Variants in GCFC2 observed in about 807,000 individuals in gnomAD.
The protein encoded by GCFC2 is intron Large complex component GCFC2.
GCFC2 carries 102 observed loss-of-function variants against 99.4 expected under a neutral mutation model. That is an observed-to-expected ratio of 1.03 (90% confidence interval 0.87 to 1.21). The LOEUF (loss-of-function observed/expected upper bound fraction) is 1.21. GCFC2 is among the 50% of genes most tolerant of loss of function. The probability of loss-of-function intolerance (pLI) is 0.00; values close to 1 mark genes in which losing one functional copy is unlikely to be tolerated. For missense variants in GCFC2, 973 were observed against 920.9 expected (o/e 1.06, Z -0.73); for synonymous variants, 338 against 316.8 (o/e 1.07, Z -0.71).
chr2:75,695,107 CT>C (rs1412923532), intron 5 of GCFC2, among the ~76,000 whole-genome samples: 1 of 152,136 alleles, frequency 6.6e-6, no homozygotes, highest in African/African-American at 2.4e-5. Context: ...TCTGCTGCCT[CT>C]TTTTTATCCC....
intron 2 of GCFC2, among the ~76,000 whole-genome samples, chr2:75,704,440 T>A (rs1680743646): frequency 6.6e-6 from 1 of 152,210 alleles, no homozygotes; most frequent in Non-Finnish European, 1.5e-5. Context: ...AAGTTTTCAA[T>A]TTTTAATCAG....
rs1221809345 is a variant in GCFC2 at position 75,710,653 on chromosome 2, C to A, written c.203G>T (p.Gly68Val). 1 of 1,518,138 alleles carries A rather than the reference C, an allele frequency of 6.6e-7. No individual in the cohort carries two copies. Among genetic ancestry groups the A allele is most frequent in the African/African-American group, 1.4e-5 (1 of 69,850 alleles). 94.0% of individuals were successfully genotyped at this position (1,518,138 alleles called of 1,614,324 possible). A position where few individuals can be genotyped will look rare whatever the true frequency, so the allele number is the denominator to read the frequency against. Reference protein sequence around the residue: ...PHRVRGPRGRGRVWASSRRAT... With the variant: ...PHRVRGPRGRVRVWASSRRAT... ...ACGCCGGGAGCTCGCCCAGACCCGG[C>A]CCCGGCCACGAGGGCCCCGAACCCG... The change falls in exon 1 of 17, where the codon GGC becomes GTC. Residue 68 changes from glycine (G) to valine (V), a missense_variant. Physicochemically the swap from Gly to Val is moderately radical, Grantham distance 109 (BLOSUM62 -3). Coordinates refer to ENST00000321027, the MANE Select transcript of GCFC2 (RefSeq NM_003203.5).
At position 75,693,987 on chromosome 2, in the gene GCFC2, A is replaced by C. The variant is rs542579427; in HGVS notation, c.1020+254T>G. Among the ~76,000 whole-genome samples the C allele has an allele frequency of 2.0e-5, 3 of 152,230 alleles. No individual in the cohort carries two copies. In the South Asian group the frequency reaches 6.2e-4, roughly 32 times the overall value. ...ATTCATTTTATTTGACTTCATTTTC[A>C]AGGAATTTTCCTTAAACAGAAGAAA... On this transcript the variant is annotated intron_variant, in intron 6 of 16. Coordinates refer to ENST00000321027, the MANE Select transcript of GCFC2 (RefSeq NM_003203.5).
At position 75,702,345 on chromosome 2, in the gene GCFC2, G is replaced by T; in HGVS notation, c.473C>A (p.Ser158Tyr). The change falls in exon 3 of 17, where the codon TCT becomes TAT. Residue 158 changes from serine to tyrosine, a missense_variant. Physicochemically the swap from Ser to Tyr is moderately radical, Grantham distance 144 (BLOSUM62 -2). Transcript: ENST00000321027. ...ELARAQDDYI[S>Y]LDVQHTSSIS... ...GGAGGAGGTATGTTGTACATCCAAAGAAATATAGTCATCTTGGGCCCTGGC... is the reference window on the plus strand; with the variant it reads ...GGAGGAGGTATGTTGTACATCCAAATAAATATAGTCATCTTGGGCCCTGGC... 1 of 1,612,788 alleles carries T rather than the reference G, an allele frequency of 6.2e-7. No homozygotes were observed. Among genetic ancestry groups the T allele is most frequent in the Non-Finnish European group, 8.5e-7 (1 of 1,178,780 alleles).
At chr2:75,710,967 C>G (rs372201845), upstream of GCFC2, 1 of 1,368,428 alleles carries the variant, frequency 7.3e-7, no homozygotes. Flanking sequence ...AGTGCGCGCG[C>G]CCGTCCCGCC....
intron 12 of GCFC2, 147 bp downstream of exon 12, chr2:75,680,046 C>T: frequency 3.4e-6 from 2 of 596,700 alleles, no homozygotes; most frequent in East Asian, 5.9e-5. Flanking sequence ...GAGAAAAAGT[C>T]TAGTTTCTAT....
At chr2:75,706,690 A>T (rs1680884066) in intron 1 of GCFC2, 39 bp from the exon 2 acceptor site, 1 of 1,401,248 alleles carries the variant, frequency 7.1e-7, no homozygotes, top group Non-Finnish European at 1.0e-6. Flanking sequence ...AAAAGAGTCA[A>T]AATAATGGAA....
chr2:75,684,624 A>G lies in GCFC2; in HGVS notation c.1690+3203T>C, dbSNP rs1207623094. Among the ~76,000 whole-genome samples, 4 of 152,364 alleles carry G rather than the reference A, an allele frequency of 2.6e-5. No individual in the cohort carries two copies. In the South Asian group the frequency reaches 8.3e-4, roughly 32 times the overall value. ...TGTTGGTGGGACTGTAAACTAGTTC[A>G]ACCATTGTGGAAGACAGTGTGGCGA... On this transcript the variant is annotated intron_variant, in intron 11 of 16. Transcript: ENST00000321027.
At chr2:75,682,359 C>A (rs965346600) in intron 11 of GCFC2, among the ~76,000 whole-genome samples, 2 of 151,904 alleles carry the variant, frequency 1.3e-5, no homozygotes, top group African/African-American at 4.9e-5. Context: ...AGGGGCCTGA[C>A]TGTTAAAAGC....
rs1553436993 is a variant in GCFC2 at position 75,699,562 on chromosome 2, ACATTCATT to A, written c.717+1620_717+1627del. Among the ~76,000 whole-genome samples the A allele has an allele frequency of 3.0e-3, 460 of 152,262 alleles. 3 individuals carry two copies. Among genetic ancestry groups the A allele is most frequent in the African/African-American group, 0.011 (443 of 41,540 alleles). The stretch of plus-strand genomic sequence containing the variant: ...AAAGCTCACTACTTGTTTAAACTTT[ACATTCATT>A]CATTCATTCATTTATTTATTTTTAG... On this transcript the variant is annotated intron_variant, in intron 4 of 16. Transcript: ENST00000321027.
At chr2:75,694,833 A>G (rs761875816) in intron 5 of GCFC2, among the ~76,000 whole-genome samples, 16 of 152,072 alleles carry the variant, frequency 1.1e-4, no homozygotes, top group Non-Finnish European at 2.1e-4. Flanking sequence ...CCTTTTTTGT[A>G]TAAAAACGGG....
chr2:75,710,624 TG>T lies in GCFC2; in HGVS notation c.231del (p.Thr78ProfsTer93). ...TCGTCCGCGCGGGGAGCCGCTTTGG[TG>T]GCACGCCGGGAGCTCGCCCAGACCC... ...RGRVWASSRR[A>X]TKAAPRADEG... On this transcript the variant is annotated frameshift_variant, in exon 1 of 17. Coordinates refer to ENST00000321027, the MANE Select transcript of GCFC2 (RefSeq NM_003203.5). LOFTEE classifies it high-confidence loss of function. 1 of 1,515,640 alleles carries T rather than the reference TG, an allele frequency of 6.6e-7. No homozygotes were observed. The highest frequency in any genetic ancestry group is 8.8e-7 in the Non-Finnish European group (1 of 1,138,852). 93.9% of individuals were successfully genotyped at this position (1,515,640 alleles called of 1,614,324 possible).
At chr2:75,701,028 C>T (rs1014330997) in intron 4 of GCFC2, among the ~76,000 whole-genome samples, 162 bp downstream of exon 4, 1 of 152,226 alleles carries the variant, frequency 6.6e-6, no homozygotes, top group Non-Finnish European at 1.5e-5. Context: ...CACAACCCCC[C>T]AGGGCCTTTG....
chr2:75,711,163 C>T (rs1681167863), upstream of GCFC2: 1 of 985,258 alleles, frequency 1.0e-6, no homozygotes, highest in Non-Finnish European at 1.2e-6. Context: ...GCAGAACTCA[C>T]GTGCTGTCCT....
chr2:75,667,924 C>T (rs1181019535), intron 15 of GCFC2, among the ~76,000 whole-genome samples: 1 of 151,912 alleles, frequency 6.6e-6, no homozygotes, highest in South Asian at 2.1e-4. Flanking sequence ...ATAGCCAGAA[C>T]AATCATGGTT....
At chr2:75,691,206 A>G (rs1490888067) in intron 7 of GCFC2, among the ~76,000 whole-genome samples, 1 of 152,220 alleles carries the variant, frequency 6.6e-6, no homozygotes, top group Non-Finnish European at 1.5e-5. Context: ...TTTATAAATT[A>G]GGCACTGTAA....
At chr2:75,666,646 A>C (rs1678847414) in intron 15 of GCFC2, among the ~76,000 whole-genome samples, 1 of 152,094 alleles carries the variant, frequency 6.6e-6, no homozygotes, top group South Asian at 2.1e-4. Context: ...TGTCATCCTA[A>C]GAGTAATACA....
rs760312115 is a variant in GCFC2, at chr2:75,692,118, G to A, written c.1021-18C>T. 15 of 1,277,784 alleles carry A rather than the reference G, an allele frequency of 1.2e-5. No homozygotes were observed. Among genetic ancestry groups the A allele is most frequent in the Non-Finnish European group, 1.3e-5 (12 of 949,438 alleles). 79.2% of individuals were successfully genotyped at this position (1,277,784 alleles called of 1,614,324 possible). On this transcript the variant is annotated intron_variant, in intron 6 of 16. Coordinates refer to ENST00000321027, the MANE Select transcript of GCFC2 (RefSeq NM_003203.5). ...TTGATAATCTGAAATACACATATAA[G>A]TAACATTTTGCAGGTCATCGATAAT...
At chr2:75,672,066 C>G (rs1276820893) in intron 13 of GCFC2, 50 bp from the exon 14 acceptor site, 2 of 958,182 alleles carry the variant, frequency 2.1e-6, no homozygotes, top group African/African-American at 3.2e-5. Context: ...AACTATTAGT[C>G]TTTCAGAACC....
Sources: gnomAD v4.1 joint callset for allele counts (sites outside exome capture counted in the v4.1 genomes callset) on GRCh38, gnomAD v4.1.1 for gene constraint, MANE v1.5 for transcripts, NCBI Gene and HGNC (gene_info 2026-07-23, HGNC 2026-07-21) for gene names.